IL1RAPL2: variants seen among roughly 807,000 people sequenced by gnomAD.
The protein encoded by IL1RAPL2 is X-linked interleukin-1 receptor accessory protein-like 2.
In IL1RAPL2, 3 loss-of-function variants were observed where a neutral mutation model predicts 44.1. That is an observed-to-expected ratio of 0.07 (90% confidence interval 0.03 to 0.18). IL1RAPL2 has a LOEUF of 0.18. IL1RAPL2 is among the 10% of genes least tolerant of loss of function. IL1RAPL2 has a pLI of 1.00. For synonymous variants in IL1RAPL2, 181 were observed against 178.8 expected, an observed-to-expected ratio of 1.01 and a Z score of -0.10; for missense variants, 391 against 496.4, an observed-to-expected ratio of 0.79 and a Z score of 2.02.
At chrX:105,306,182 T>C (rs1403348073) in intron 5 of IL1RAPL2, among the ~76,000 whole-genome samples, 1 of 111,634 alleles carries the variant, frequency 9.0e-6, no homozygotes, top group Non-Finnish European at 1.9e-5. Context: ...TAGGTATAGA[T>C]AGACATCTAA....
At chrX:105,103,162 C>A (rs1254837975) in intron 2 of IL1RAPL2, among the ~76,000 whole-genome samples, 3 of 111,955 alleles carry the variant, frequency 2.7e-5, no homozygotes, top group Non-Finnish European at 3.8e-5. Context: ...GTTCTCTCTG[C>A]CTCCTCTCAG....
At chrX:105,430,427 A>G (rs541074040) in intron 5 of IL1RAPL2, among the ~76,000 whole-genome samples, 15 of 111,841 alleles carry the variant, frequency 1.3e-4, no homozygotes, top group African/African-American at 4.2e-4. Flanking sequence ...TAGCCTTACT[A>G]TATAGAATTT....
At chrX:104,568,609 G>A (rs1339954045) in intron 1 of IL1RAPL2, among the ~76,000 whole-genome samples, 1 of 111,701 alleles carries the variant, frequency 9.0e-6, no homozygotes, top group Non-Finnish European at 1.9e-5. Flanking sequence ...ATGCATTGTT[G>A]TACCACTGGG....
At chrX:105,673,706 A>T (rs1479944988) in intron 6 of IL1RAPL2, among the ~76,000 whole-genome samples, 1 of 111,847 alleles carries the variant, frequency 8.9e-6, no homozygotes, top group East Asian at 2.8e-4. Flanking sequence ...GCTGGGTCAA[A>T]TGGTATTTCT....
At position 105,070,551 on chromosome X, in the gene IL1RAPL2, A is replaced by T. The variant is rs1464090419; in HGVS notation, c.83-124924A>T. 3.6e-5 allele frequency among the ~76,000 whole-genome samples: 4 copies of T among 109,921 alleles called. No homozygotes were observed. The East Asian group carries it at 1.2e-3, about 32-fold the overall frequency. ...TCTACTAAAAACACAAAAATTAGTC[A>T]GGCATGGTGGTGAGTGCCTGTAATC... On this transcript the variant is annotated intron_variant, in intron 2 of 10. Transcript: ENST00000372582.
chrX:105,189,107 A>C (rs2033613625), intron 2 of IL1RAPL2, among the ~76,000 whole-genome samples: 1 of 112,829 alleles, frequency 8.9e-6, no homozygotes, highest in Non-Finnish European at 1.9e-5. Flanking sequence ...CTCCCACATT[A>C]AAATATTAGG....
chrX:104,713,963 G>A (rs186635889), intron 2 of IL1RAPL2, among the ~76,000 whole-genome samples: 1,733 of 111,120 alleles, frequency 0.016, 28 homozygotes, highest in Non-Finnish European at 0.024. Flanking sequence ...TTTGATATAG[G>A]TGAATAATAG....
intron 2 of IL1RAPL2, among the ~76,000 whole-genome samples, chrX:104,692,897 C>CT (rs2147547091): frequency 9.0e-6 from 1 of 111,483 alleles, no homozygotes; most frequent in Admixed American, 9.5e-5. Flanking sequence ...ATTTCTAGTT[C>CT]TAGATCTCTG....
At chrX:105,235,277 G>A (rs1271196475) in intron 4 of IL1RAPL2, among the ~76,000 whole-genome samples, 1 of 111,730 alleles carries the variant, frequency 9.0e-6, no homozygotes, top group Non-Finnish European at 1.9e-5. Context: ...CTAACCTGGG[G>A]CCCACGGTCT....
intron 6 of IL1RAPL2, among the ~76,000 whole-genome samples, chrX:105,490,949 CTG>C (rs999809324): frequency 1.3e-4 from 15 of 112,140 alleles, no homozygotes; most frequent in African/African-American, 4.9e-4. Context: ...TGACAAAACT[CTG>C]TAGCTTCAAC....
chrX:105,679,132 A>G (rs762886540), intron 6 of IL1RAPL2, among the ~76,000 whole-genome samples: 1 of 110,711 alleles, frequency 9.0e-6, no homozygotes, highest in Non-Finnish European at 1.9e-5. Context: ...TCATAATGAA[A>G]GATGCATGAA....
At chrX:105,047,252 C>A (rs1015454586) in intron 2 of IL1RAPL2, among the ~76,000 whole-genome samples, 3 of 111,178 alleles carry the variant, frequency 2.7e-5, no homozygotes, top group African/African-American at 9.8e-5. Context: ...AATATTATTC[C>A]AAAAAGCATC....
chrX:105,071,684 G>C (rs927763523), intron 2 of IL1RAPL2, among the ~76,000 whole-genome samples: 9 of 111,676 alleles, frequency 8.1e-5, no homozygotes, highest in Non-Finnish European at 1.7e-4. Flanking sequence ...ACAGACCAAT[G>C]GAACAGATTA....
chrX:104,810,141 A>C (rs1370524433), intron 2 of IL1RAPL2, among the ~76,000 whole-genome samples: 1 of 109,974 alleles, frequency 9.1e-6, no homozygotes, highest in African/African-American at 3.3e-5. Flanking sequence ...GGAAATCATC[A>C]TTCTCAGTAA....
intron 6 of IL1RAPL2, among the ~76,000 whole-genome samples, chrX:105,526,697 C>T (rs763180992): frequency 9.0e-6 from 1 of 111,407 alleles, no homozygotes; most frequent in African/African-American, 3.3e-5. Flanking sequence ...TACTCTTTGC[C>T]AGGCTCTAAA....
At chrX:105,399,868 G>A (rs948615718) in intron 5 of IL1RAPL2, among the ~76,000 whole-genome samples, 40 of 111,357 alleles carry the variant, frequency 3.6e-4, no homozygotes, top group African/African-American at 1.2e-3. Context: ...TCTTGAATGA[G>A]AGGTACACAG....
chrX:105,331,185 A>G (rs1405468864), intron 5 of IL1RAPL2, among the ~76,000 whole-genome samples: 1 of 111,335 alleles, frequency 9.0e-6, no homozygotes, highest in Non-Finnish European at 1.9e-5. Context: ...TACAACACAC[A>G]GAACATTTTA....
At chrX:105,224,567 G>C (rs1483397439) in intron 3 of IL1RAPL2, among the ~76,000 whole-genome samples, 1 of 111,787 alleles carries the variant, frequency 8.9e-6, no homozygotes, top group Admixed American at 9.5e-5. Context: ...AGACAACTAA[G>C]TTATACAATT....
intron 2 of IL1RAPL2, among the ~76,000 whole-genome samples, chrX:104,673,377 T>C (rs1299899221): frequency 9.0e-6 from 1 of 111,424 alleles, no homozygotes; most frequent in Non-Finnish European, 1.9e-5. Context: ...TTGCTTGTTT[T>C]TCTCAGTTTT....
Sources: gnomAD v4.1 joint callset for allele counts (sites outside exome capture counted in the v4.1 genomes callset) on GRCh38, gnomAD v4.1.1 for gene constraint, MANE v1.5 for transcripts, NCBI Gene and HGNC (gene_info 2026-07-23, HGNC 2026-07-21) for gene names.